The following CABLES1 variants were observed in gnomAD, a reference collection of about 807,000 sequenced individuals.
The protein encoded by CABLES1 is CDK5 and ABL1 enzyme substrate 1.
Under a neutral mutation model 57.8 loss-of-function variants are expected in CABLES1, and 36 were observed. The observed-to-expected ratio is 0.62, with a 90% CI of 0.48 to 0.82. The LOEUF is 0.82. Ranked by LOEUF, CABLES1 falls within the 40% of genes least tolerant of loss-of-function variation. The probability of loss-of-function intolerance (pLI) is 0.00; values close to 1 mark genes in which losing one functional copy is unlikely to be tolerated. For synonymous variants in CABLES1, 374 were observed against 363.0 expected, an observed-to-expected ratio of 1.03 and a Z score of -0.35; for missense variants, 767 against 836.6, an observed-to-expected ratio of 0.92 and a Z score of 1.03.
chr18:23,155,727 C>T (rs2046961009), intron 1 of CABLES1: 1 of 1,072,432 alleles, frequency 9.3e-7, no homozygotes, highest in East Asian at 2.7e-5. Flanking sequence ...ATCCTAGAAT[C>T]ACGGGGTGGC....
Position 23,235,990 on chromosome 18 carries a change from C to T in CABLES1, c.1281C>T (p.Asn427=), listed in dbSNP as rs1443932896. Residue 427 remains asparagine (N), a synonymous_variant, in exon 6 of 10, where the codon AAC becomes AAT. Coordinates refer to ENST00000256925, the MANE Select transcript of CABLES1 (RefSeq NM_001100619.3). ...DSTSSFSQFR[N]LSHRSLSIGR... Reference sequence around the variant, plus strand: ...CCTCCTCTTTCTCCCAGTTCCGTAACCTGAGCCACCGCAGCCTCTCCATAG... The same window carrying T: ...CCTCCTCTTTCTCCCAGTTCCGTAATCTGAGCCACCGCAGCCTCTCCATAG... 6.2e-6 allele frequency: 10 copies of T among 1,614,256 alleles called. No individual in the cohort carries two copies. Among genetic ancestry groups the T allele is most frequent in the Non-Finnish European group, 7.6e-6 (9 of 1,180,046 alleles).
At chr18:23,137,167 C>T (rs1205309397) in intron 1 of CABLES1, among the ~76,000 whole-genome samples, 1 of 152,200 alleles carries the variant, frequency 6.6e-6, no homozygotes, top group Non-Finnish European at 1.5e-5. Flanking sequence ...CTTACATTGC[C>T]TCCAACTAGG....
chr18:23,243,034 TAA>T (rs1024720507), intron 7 of CABLES1, among the ~76,000 whole-genome samples: 5 of 150,252 alleles, frequency 3.3e-5, no homozygotes, highest in African/African-American at 1.2e-4. Flanking sequence ...TAAATATAGA[TAA>T]GTTATAATTT....
rs2047625047 is a variant in CABLES1, at chr18:23,237,151, T to C, written c.1352T>C (p.Leu451Pro). ...TGCATGTGATCTTCAGGTAGTGACC[T>C]GGGAGACTTTATGGACTATGACCCA... ...TQGSLDTGSD[L>P]GDFMDYDPNL... The change falls in exon 7 of 10, where the codon CTG becomes CCG. Residue 451 changes from leucine (L) to proline (P), a missense_variant. Transcript: ENST00000256925. 2 of 1,608,560 alleles carry C rather than the reference T, an allele frequency of 1.2e-6. No homozygotes were observed. Among genetic ancestry groups the C allele is most frequent in the African/African-American group, 1.3e-5 (1 of 74,812 alleles).
At chr18:23,194,259 G>T (rs1324214065) in intron 2 of CABLES1, among the ~76,000 whole-genome samples, 189 bp from the exon 3 acceptor site, 1 of 152,064 alleles carries the variant, frequency 6.6e-6, no homozygotes, top group Non-Finnish European at 1.5e-5. Flanking sequence ...TCAAGAAGTT[G>T]TCTATTATTG....
At chr18:23,165,866 G>A (rs146945159) in intron 1 of CABLES1, among the ~76,000 whole-genome samples, 69 of 152,274 alleles carry the variant, frequency 4.5e-4, no homozygotes, top group African/African-American at 1.5e-3. Context: ...ATCAGAAAGC[G>A]ATCTCTCATG....
At chr18:23,257,046 C>A in intron 9 of CABLES1, 181 bp from the exon 10 acceptor site, 1 of 640,376 alleles carries the variant, frequency 1.6e-6, no homozygotes, top group African/African-American at 1.8e-5. Context: ...GCAGCTCCTT[C>A]ACAACCAGGA....
At chr18:23,227,934 T>G (rs1390065319) in intron 4 of CABLES1, among the ~76,000 whole-genome samples, 2 of 152,208 alleles carry the variant, frequency 1.3e-5, no homozygotes, top group African/African-American at 4.8e-5. Flanking sequence ...TAGCGCCTAG[T>G]GGAGCTCCTG....
At chr18:23,178,597 G>C (rs558217932) in intron 1 of CABLES1, among the ~76,000 whole-genome samples, 1 of 152,234 alleles carries the variant, frequency 6.6e-6, no homozygotes, top group African/African-American at 2.4e-5. Context: ...AGTAGGGACT[G>C]ACATGAGGGA....
intron 4 of CABLES1, among the ~76,000 whole-genome samples, chr18:23,222,230 C>T (rs1188166888): frequency 6.6e-6 from 1 of 152,164 alleles, no homozygotes; most frequent in African/African-American, 2.4e-5. Flanking sequence ...AGGCTCTCCT[C>T]ACCTTTGGGG....
intron 1 of CABLES1, among the ~76,000 whole-genome samples, chr18:23,140,838 G>C (rs1250458564): frequency 6.6e-6 from 1 of 152,168 alleles, no homozygotes; most frequent in Non-Finnish European, 1.5e-5. Flanking sequence ...CTTAAGTCCT[G>C]TGTTCAGATG....
chr18:23,220,464 G>A (rs2047478839), intron 4 of CABLES1, among the ~76,000 whole-genome samples: 1 of 152,172 alleles, frequency 6.6e-6, no homozygotes, highest in Non-Finnish European at 1.5e-5. Flanking sequence ...GGGGGTAGGT[G>A]GGGGCAGGCA....
chr18:23,223,784 G>A lies in CABLES1; in HGVS notation c.1088+9730G>A, dbSNP rs140903230. Among the ~76,000 whole-genome samples, 449 of 152,086 alleles carry A rather than the reference G, an allele frequency of 3.0e-3. 4 individuals are homozygous for A. Among genetic ancestry groups the A allele is most frequent in the African/African-American group, 0.01 (425 of 41,484 alleles). On this transcript the variant is annotated intron_variant, in intron 4 of 9. Transcript: ENST00000256925. ...TATTGCCAGGCCCTTCTGAAGCCCA[G>A]CATGGCCATCTCTAATCAGGTGCAT...
chr18:23,226,175 G>A (rs1002963796), intron 4 of CABLES1, among the ~76,000 whole-genome samples: 2 of 152,312 alleles, frequency 1.3e-5, no homozygotes, highest in African/African-American at 4.8e-5. Context: ...AGACCGAGGT[G>A]GGCGGATCAC....
intron 7 of CABLES1, among the ~76,000 whole-genome samples, chr18:23,248,094 C>T (rs964117490): frequency 4.6e-5 from 7 of 152,230 alleles, no homozygotes; most frequent in South Asian, 2.1e-4. Flanking sequence ...GTGGGCCTGG[C>T]GCGCTCTGCC....
upstream of CABLES1, among the ~76,000 whole-genome samples, chr18:23,135,284 C>G (rs1326815408): frequency 6.6e-6 from 1 of 152,220 alleles, no homozygotes; most frequent in Non-Finnish European, 1.5e-5. Flanking sequence ...CCCCACCACC[C>G]GCTCGGCTCT....
chr18:23,152,276 G>A (rs1729259338), intron 1 of CABLES1, among the ~76,000 whole-genome samples: 1 of 152,062 alleles, frequency 6.6e-6, no homozygotes, highest in South Asian at 2.1e-4. Flanking sequence ...GAAAAATTGT[G>A]TAACTAAAGA....
chr18:23,192,823 T>G (rs1362029658), intron 2 of CABLES1, among the ~76,000 whole-genome samples: 3 of 152,164 alleles, frequency 2.0e-5, no homozygotes, highest in Non-Finnish European at 4.4e-5. Context: ...TGAGGCTGTT[T>G]GGAGTTCTGG....
At chr18:23,218,305 C>T (rs1466669666) in intron 4 of CABLES1, among the ~76,000 whole-genome samples, 7 of 143,522 alleles carry the variant, frequency 4.9e-5, no homozygotes, top group Non-Finnish European at 1.1e-4. Flanking sequence ...CCCTGCCTCC[C>T]GCATCCTCAC....
Sources: allele counts gnomAD v4.1 joint callset (sites outside exome capture counted in the v4.1 genomes callset), GRCh38; gene constraint gnomAD v4.1.1; transcripts MANE v1.5; gene names NCBI Gene and HGNC (gene_info 2026-07-23, HGNC 2026-07-21).